Variants in LINGO2 observed in about 807,000 individuals in gnomAD.
The protein encoded by LINGO2 is leucine-rich repeat and immunoglobulin-like domain-containing nogo receptor-interacting protein 2.
A neutral mutation model predicts 30.6 loss-of-function variants in LINGO2; 14 were observed. The ratio of observed to expected loss-of-function variants is 0.46; its 90% CI spans 0.30 to 0.72. LINGO2 has a LOEUF of 0.72. Ranked by LOEUF, LINGO2 falls within the 30% of genes least tolerant of loss-of-function variation. The pLI, the probability that LINGO2 is intolerant of heterozygous loss-of-function variation, is 0.07. For missense variants in LINGO2, 729 were observed against 751.7 expected (o/e 0.97, Z 0.35); for synonymous variants, 317 against 288.5 (o/e 1.10, Z -1.00).
intron 1 of LINGO2, among the ~76,000 whole-genome samples, chr9:28,650,600 C>T (rs1563892797): frequency 6.6e-6 from 1 of 152,132 alleles, no homozygotes. Context: ...ATTCTTTGTG[C>T]TTCTGACCTC....
intron 1 of LINGO2, among the ~76,000 whole-genome samples, chr9:28,655,660 C>T (rs1828303938): frequency 6.6e-6 from 1 of 151,968 alleles, no homozygotes; most frequent in Non-Finnish European, 1.5e-5. Context: ...GGGGCAGTTT[C>T]CTCCATCCTG....
the LINGO2 span, among the ~76,000 whole-genome samples, chr9:28,876,177 T>A: frequency 6.6e-6 from 1 of 152,102 alleles, no homozygotes; most frequent in Non-Finnish European, 1.5e-5. Flanking sequence ...TAAGACATTT[T>A]CATATACATT....
intron 4 of LINGO2, among the ~76,000 whole-genome samples, chr9:28,163,733 C>T (rs1274193695): frequency 6.6e-6 from 1 of 152,122 alleles, no homozygotes; most frequent in Non-Finnish European, 1.5e-5. Flanking sequence ...TTGCAGATGA[C>T]ACGGTCTGTT....
At chr9:28,071,064 T>C (rs532635424) in intron 4 of LINGO2, among the ~76,000 whole-genome samples, 1 of 152,138 alleles carries the variant, frequency 6.6e-6, no homozygotes, top group Non-Finnish European at 1.5e-5. Flanking sequence ...ATAGTTTACA[T>C]GTCTGAGTAC....
At chr9:28,879,247 A>C in the LINGO2 span, among the ~76,000 whole-genome samples, 1 of 147,244 alleles carries the variant, frequency 6.8e-6, no homozygotes, top group Non-Finnish European at 1.5e-5. Flanking sequence ...AATTGCTTCT[A>C]GTATTATTTT....
At chr9:28,951,454 A>G in the LINGO2 span, among the ~76,000 whole-genome samples, 1 of 152,064 alleles carries the variant, frequency 6.6e-6, no homozygotes, top group Non-Finnish European at 1.5e-5. Context: ...TCTTGCTGTC[A>G]GCATTGTTTA....
chr9:28,376,120 G>A (rs1443802737), intron 2 of LINGO2, among the ~76,000 whole-genome samples: 1 of 150,142 alleles, frequency 6.7e-6, no homozygotes, highest in Non-Finnish European at 1.5e-5. Context: ...ACGGACAAGT[G>A]CAGCAGCCTA....
rs530642561 is a variant in LINGO2, at chr9:28,186,847, T to C, written c.-87+108361A>G. Among the ~76,000 whole-genome samples the C allele has an allele frequency of 9.2e-5, 14 of 152,216 alleles. No homozygotes were observed. The South Asian group carries it at 2.9e-3, about 32-fold the overall frequency. The stretch of plus-strand genomic sequence containing the variant: ...AGCAGATCAGCAAGGAGAAGTGTAG[T>C]AGCATATATGATCAGAGAAATAACT... On this transcript the variant is annotated intron_variant, in intron 4 of 5. Coordinates refer to ENST00000379992, the Ensembl canonical transcript of LINGO2.
intron 2 of LINGO2, among the ~76,000 whole-genome samples, chr9:28,396,619 G>T (rs1473878455): frequency 1.4e-5 from 2 of 144,674 alleles, no homozygotes; most frequent in Non-Finnish European, 3.0e-5. Flanking sequence ...CAGGAGAATG[G>T]CGTGAACCCG....
At chr9:28,687,644 C>T in the LINGO2 span, among the ~76,000 whole-genome samples, 1 of 152,048 alleles carries the variant, frequency 6.6e-6, no homozygotes, top group Admixed American at 6.6e-5. Flanking sequence ...AGTGTGCTTG[C>T]TCCATCATAT....
chr9:28,000,195 G>A lies in LINGO2; in HGVS notation c.-36+12160C>T, dbSNP rs79022623. 6.0e-3 allele frequency among the ~76,000 whole-genome samples: 918 copies of A among 152,270 alleles called. 9 individuals carry two copies. Among genetic ancestry groups the A allele is most frequent in the African/African-American group, 0.02 (844 of 41,558 alleles). On this transcript the variant is annotated intron_variant, in intron 5 of 5. Coordinates refer to ENST00000379992, the Ensembl canonical transcript of LINGO2. The stretch of plus-strand genomic sequence containing the variant: ...TTGTATTAAATTATGAGAGGTGGCA[G>A]CAGTGCTCAAATTGCCATATGGCAC...
At chr9:28,517,225 TC>T (rs150253272) in intron 1 of LINGO2, among the ~76,000 whole-genome samples, 38 of 151,898 alleles carry the variant, frequency 2.5e-4, no homozygotes, top group Non-Finnish European at 4.6e-4. Context: ...ATTCTTTTCT[TC>T]CCCCTCCACC....
chr9:28,773,715 C>T, the LINGO2 span, among the ~76,000 whole-genome samples: 2 of 152,190 alleles, frequency 1.3e-5, no homozygotes, highest in East Asian at 3.9e-4. Context: ...AAACTCATGG[C>T]AAATGCTTGA....
the LINGO2 span, among the ~76,000 whole-genome samples, chr9:28,681,889 T>G: frequency 1.3e-5 from 2 of 152,122 alleles, no homozygotes; most frequent in African/African-American, 4.8e-5. Flanking sequence ...TATGATTCAA[T>G]CAACCAACTA....
chr9:28,972,532 C>T, the LINGO2 span, among the ~76,000 whole-genome samples: 1 of 152,054 alleles, frequency 6.6e-6, no homozygotes, highest in Non-Finnish European at 1.5e-5. Context: ...AAGAATGCAT[C>T]AGAATCTCTT....
intron 1 of LINGO2, among the ~76,000 whole-genome samples, chr9:28,660,596 A>T (rs1382378042): frequency 6.6e-6 from 1 of 150,434 alleles, no homozygotes; most frequent in Non-Finnish European, 1.5e-5. Context: ...AAATAATGAT[A>T]ATAAAATTCA....
the LINGO2 span, among the ~76,000 whole-genome samples, chr9:28,899,311 A>G: frequency 1.3e-5 from 2 of 152,156 alleles, no homozygotes; most frequent in African/African-American, 2.4e-5. Context: ...GCTGGATCCC[A>G]CAGCCTTACA....
chr9:29,099,640 A>C, the LINGO2 span, among the ~76,000 whole-genome samples: 1 of 152,224 alleles, frequency 6.6e-6, no homozygotes, highest in Non-Finnish European at 1.5e-5. Flanking sequence ...AAGATGCTCA[A>C]CATCATTGAT....
chr9:28,727,645 A>G, the LINGO2 span, among the ~76,000 whole-genome samples: 1 of 152,154 alleles, frequency 6.6e-6, no homozygotes, highest in Non-Finnish European at 1.5e-5. Context: ...TTAGATAGAT[A>G]AAACAGTCAA....
Sources: allele counts gnomAD v4.1 joint callset (sites outside exome capture counted in the v4.1 genomes callset), GRCh38; gene constraint gnomAD v4.1.1; transcripts MANE v1.5; gene names NCBI Gene and HGNC (gene_info 2026-07-23, HGNC 2026-07-21).